AFG2B: variants seen among roughly 807,000 people sequenced by gnomAD.
AFG2B encodes the protein ATPase family gene 2 protein homolog B.
At chr15:45,403,273 G>A in the AFG2B span, 4 of 1,588,998 alleles carry the variant, frequency 2.5e-6, no homozygotes, top group Non-Finnish European at 3.4e-6. Flanking sequence ...CGAGGAGAAC[G>A]TGCGGCGGGT....
At chr15:45,404,208 A>G in the AFG2B span, among the ~76,000 whole-genome samples, 1 of 152,158 alleles carries the variant, frequency 6.6e-6, no homozygotes, top group African/African-American at 2.4e-5. Context: ...TGATAATTAC[A>G]CACTTTTAGC....
chr15:45,416,101 T>C, the AFG2B span, among the ~76,000 whole-genome samples: 1 of 152,348 alleles, frequency 6.6e-6, no homozygotes, highest in South Asian at 2.1e-4. Flanking sequence ...TGTTTGCATG[T>C]CCTAAAAACC....
At chr15:45,416,577 T>C in the AFG2B span, among the ~76,000 whole-genome samples, 1 of 152,226 alleles carries the variant, frequency 6.6e-6, no homozygotes, top group African/African-American at 2.4e-5. Flanking sequence ...CGAGGTTATC[T>C]AATCAAATCA....
At chr15:45,407,554 T>A in the AFG2B span, among the ~76,000 whole-genome samples, 12 of 152,322 alleles carry the variant, frequency 7.9e-5, no homozygotes, top group African/African-American at 1.4e-4. Flanking sequence ...GGCTTTTTTT[T>A]AAGTATATAA....
the AFG2B span, chr15:45,402,968 C>T: frequency 1.3e-6 from 2 of 1,594,918 alleles, no homozygotes; most frequent in African/African-American, 1.3e-5. Context: ...CTGGTCACCC[C>T]TCGTACCCGC....
At chr15:45,406,700 T>C in the AFG2B span, among the ~76,000 whole-genome samples, 1 of 152,236 alleles carries the variant, frequency 6.6e-6, no homozygotes, top group Non-Finnish European at 1.5e-5. Flanking sequence ...GTTTTCAATC[T>C]CATTTGTAAC....
the AFG2B span, among the ~76,000 whole-genome samples, chr15:45,413,695 C>T: frequency 1.3e-5 from 2 of 152,120 alleles, no homozygotes; most frequent in Admixed American, 1.3e-4. Context: ...ATACTGCTTC[C>T]TCAGTGCAGA....
chr15:45,421,126 A>G, the AFG2B span: 1 of 1,613,328 alleles, frequency 6.2e-7, no homozygotes, highest in East Asian at 2.2e-5. Context: ...TTAAGACTGT[A>G]AAACCGTCGT....
the AFG2B span, among the ~76,000 whole-genome samples, chr15:45,413,939 T>C: frequency 3.3e-5 from 5 of 152,338 alleles, no homozygotes; most frequent in Non-Finnish European, 4.4e-5. Context: ...GAGGACTCAT[T>C]CATTATTCGG....
chr15:45,414,901 G>A, the AFG2B span: 1 of 796,322 alleles, frequency 1.3e-6, no homozygotes, highest in Non-Finnish European at 1.9e-6. Flanking sequence ...TACGTTTATT[G>A]AAAAATTTAG....
At chr15:45,414,960 A>G in the AFG2B span, among the ~76,000 whole-genome samples, 1 of 152,126 alleles carries the variant, frequency 6.6e-6, no homozygotes, top group Non-Finnish European at 1.5e-5. Flanking sequence ...CCTCCTACCT[A>G]CTGTTAACAT....
the AFG2B span, chr15:45,405,430 A>T: frequency 6.2e-7 from 1 of 1,614,180 alleles, no homozygotes; most frequent in Non-Finnish European, 8.5e-7. Flanking sequence ...CAGAAATGAC[A>T]GTTGGCTATG....
the AFG2B span, among the ~76,000 whole-genome samples, chr15:45,419,984 T>C: frequency 1.1e-5 from 1 of 88,650 alleles, no homozygotes; most frequent in African/African-American, 4.8e-5. Flanking sequence ...AGCAAGACTC[T>C]GTCCCCCCCC....
chr15:45,415,520 A>T, the AFG2B span: 7 of 1,221,384 alleles, frequency 5.7e-6, no homozygotes, highest in Non-Finnish European at 8.0e-6. Flanking sequence ...AAACAGGATT[A>T]TAAATAGTAA....
chr15:45,402,396 A>G, the AFG2B span: 10 of 1,558,940 alleles, frequency 6.4e-6, no homozygotes, highest in Non-Finnish European at 8.6e-6. Context: ...GGGTTTCCTA[A>G]TCTGGTTTCG....
At chr15:45,407,411 G>T in the AFG2B span, among the ~76,000 whole-genome samples, 2 of 152,142 alleles carry the variant, frequency 1.3e-5, no homozygotes, top group East Asian at 3.8e-4. Context: ...TAAGCCCAAA[G>T]AATCAAGTAA....
chr15:45,408,610 T>C, the AFG2B span, among the ~76,000 whole-genome samples: 1 of 152,228 alleles, frequency 6.6e-6, no homozygotes, highest in African/African-American at 2.4e-5. Context: ...TTGGTGATGC[T>C]AACTTTTATC....
At chr15:45,414,637 G>T in the AFG2B span, 95 of 1,614,074 alleles carry the variant, frequency 5.9e-5, 1 homozygote, top group Non-Finnish European at 7.9e-5. Flanking sequence ...ACCAAAGGGA[G>T]TTCTCCTCTA....
chr15:45,403,192 G>C, the AFG2B span: 1 of 1,462,204 alleles, frequency 6.8e-7, no homozygotes, highest in East Asian at 2.7e-5. Flanking sequence ...GCGGGCCGTG[G>C]CGCGCGAGGC....
Sources: gnomAD v4.1 joint callset for allele counts (sites outside exome capture counted in the v4.1 genomes callset) on GRCh38, gnomAD v4.1.1 for gene constraint, MANE v1.5 for transcripts, NCBI Gene and HGNC (gene_info 2026-07-23, HGNC 2026-07-21) for gene names.